The following ASPM variants were observed in gnomAD, a reference collection of about 807,000 sequenced individuals.
The protein encoded by ASPM is abnormal spindle-like microcephaly-associated protein.
In ASPM, 256 loss-of-function variants were observed where a neutral mutation model predicts 366.4. That is an observed-to-expected ratio of 0.70 (90% CI 0.63 to 0.77). ASPM has a LOEUF of 0.77. Among genes scored for constraint, ASPM ranks in the 30% least tolerant of loss-of-function variants. ASPM has a pLI of 0.00. For synonymous variants in ASPM, 1,414 were observed against 1,342.9 expected (o/e 1.05, Z -1.16); for missense variants, 4,146 against 4,090.4 (o/e 1.01, Z -0.37).
chr1:197,108,996 C>G (rs937580026), intron 17 of ASPM, among the ~76,000 whole-genome samples: 1 of 145,060 alleles, frequency 6.9e-6, no homozygotes, highest in African/African-American at 2.6e-5. Context: ...AAAAAAAAGT[C>G]CAGAGAAGAA....
Position 197,143,413 on chromosome 1 carries a change from G to A in ASPM, c.839C>T (p.Ser280Phe), listed in dbSNP as rs772696379. 3 of 1,613,952 alleles carry A rather than the reference G, an allele frequency of 1.9e-6. No homozygotes were observed. The South Asian group carries it at 3.3e-5, about 18-fold the overall frequency. Residue 280 changes from serine (S) to phenylalanine (F), a missense_variant, in exon 3 of 28, where the codon TCC becomes TTC. By Grantham distance (155) the Ser-to-Phe change is radical. Transcript: ENST00000367409. ...SFNEKAVTET[S>F]FNSVNVNGQR... ...GCCATTAACATTTACGGAATTAAAG[G>A]AAGTTTCAGTTACAGCTTTCTCATT...
At chr1:197,091,544 T>A (rs1656787162) in intron 22 of ASPM, among the ~76,000 whole-genome samples, 2 of 152,006 alleles carry the variant, frequency 1.3e-5, no homozygotes, top group Admixed American at 1.3e-4. Flanking sequence ...TTCAGAATCA[T>A]TAGCCATCAA....
chr1:197,142,227 A>C (rs1264146653), intron 3 of ASPM, 104 bp downstream of exon 3: 1 of 1,243,586 alleles, frequency 8.0e-7, no homozygotes, highest in East Asian at 2.3e-5. Flanking sequence ...CCCAGCAAAT[A>C]AGTAAAAACT....
At position 197,100,816 on chromosome 1, in the gene ASPM, T is replaced by C; in HGVS notation, c.8435A>G (p.His2812Arg). ...TGTTACTGCAGCCCTACTTTGAGAA[T>C]GATACTCTGCTTCCTGTGAACAAGC... ...GLACSQEAEYHSQSRAAVTIQ... is the reference protein window; with the variant it reads ...GLACSQEAEYRSQSRAAVTIQ... The change falls in exon 18 of 28, where the codon CAT becomes CGT. Residue 2812 changes from histidine (H) to arginine (R), a missense_variant. Transcript: ENST00000367409. The C allele has an allele frequency of 1.2e-6, 2 of 1,612,628 alleles. No homozygotes were observed. Among genetic ancestry groups the C allele is most frequent in the Non-Finnish European group, 1.7e-6 (2 of 1,179,128 alleles).
chr1:197,118,832 T>TA (rs899651852), intron 16 of ASPM, among the ~76,000 whole-genome samples: 3 of 152,160 alleles, frequency 2.0e-5, no homozygotes, highest in Non-Finnish European at 2.9e-5. Context: ...GTAACTTTGC[T>TA]ATACTGTCCA....
intron 13 of ASPM, among the ~76,000 whole-genome samples, chr1:197,123,702 TAC>T (rs1657988737): frequency 6.6e-6 from 1 of 152,170 alleles, no homozygotes; most frequent in African/African-American, 2.4e-5. Context: ...CATACAGAAA[TAC>T]AGTGTTAACC....
At position 197,101,242 on chromosome 1, in the gene ASPM, A is replaced by G. The variant is rs41299627; in HGVS notation, c.8009T>C (p.Ile2670Thr). ...KLTAVRTQAV[I>T]CIQSYYRGFK... is the part of the protein sequence containing the mutation. ...GCCTCTGTAATAAGACTGTATACAA[A>G]TAACTGCTTGGGTACGCACTGCAGT... The change falls in exon 18 of 28, where the codon ATT becomes ACT. Residue 2670 changes from isoleucine (I) to threonine (T), a missense_variant. Physicochemically the swap from Ile to Thr is moderately conservative, Grantham distance 89 (BLOSUM62 -1). Around this residue, in one of 3 missense-constraint regions of ASPM, gnomAD observed 3,624 missense variants for 3,591.7 expected, o/e 1.01. Transcript: ENST00000367409. The G allele has an allele frequency of 4.1e-4, 667 of 1,612,194 alleles. 1 individual carries two copies. The highest frequency in any genetic ancestry group is 5.7e-4 in the Admixed American group (34 of 59,726).
At position 197,091,892 on chromosome 1, in the gene ASPM, AAAG is replaced by A. The variant is rs1343079921; in HGVS notation, c.9444+12_9444+14del. Reference sequence around the variant, plus strand: ...AAATTATATCATATAGTTTTACTGCAAAGAAGAAGCAAACCTGAATACAGATGA... The same window carrying A: ...AAATTATATCATATAGTTTTACTGCAAAGAAGCAAACCTGAATACAGATGA... On this transcript the variant is annotated intron_variant, in intron 22 of 27. Transcript: ENST00000367409. 1.2e-6 allele frequency: 2 copies of A among 1,608,236 alleles called. No homozygotes were observed. Among genetic ancestry groups the A allele is most frequent in the Non-Finnish European group, 8.5e-7 (1 of 1,177,316 alleles).
chr1:197,104,426 C>T lies in ASPM; in HGVS notation c.4825G>A (p.Ala1609Thr). 6 of 1,612,982 alleles carry T rather than the reference C, an allele frequency of 3.7e-6. No homozygotes were observed. Among genetic ancestry groups the T allele is most frequent in the Non-Finnish European group, 5.1e-6 (6 of 1,179,398 alleles). Reference sequence around the variant, plus strand: ...CGGAAATGAGTCTGAATTATAACAGCTGCTTTCTTCATCTTCTTATATTTC... The same window carrying T: ...CGGAAATGAGTCTGAATTATAACAGTTGCTTTCTTCATCTTCTTATATTTC... Reference protein sequence around the residue: ...RQKYKKMKKAAVIIQTHFRAY... With the variant: ...RQKYKKMKKATVIIQTHFRAY... The change falls in exon 18 of 28, where the codon GCT (alanine) becomes ACT (threonine). Residue 1609 changes from alanine (A) to threonine (T), a missense_variant. Physicochemically the swap from Ala to Thr is moderately conservative, Grantham distance 58. Transcript: ENST00000367409.
In ASPM at chr1:197,093,239, A is replaced by G. The variant is rs776674394; in HGVS notation, c.9107T>C (p.Ile3036Thr). 3.0e-5 allele frequency: 49 copies of G among 1,612,132 alleles called. No homozygotes were observed. The South Asian group carries it at 5.1e-4, about 17-fold the overall frequency. ...TTTATATCCTCTATAATGTGCTTGG[A>G]TCAAACAAGCAGCTCGATGTCTCTA... ...MIKRHRAACL[I>T]QAHYRGYKGR... The change falls in exon 21 of 28, where the codon ATC (isoleucine) becomes ACC (threonine). Residue 3036 changes from isoleucine (I) to threonine (T), a missense_variant. By Grantham distance (89) the Ile-to-Thr change is moderately conservative. Transcript: ENST00000367409.
chr1:197,096,451 T>C (rs1656978950), intron 18 of ASPM, among the ~76,000 whole-genome samples: 1 of 149,212 alleles, frequency 6.7e-6, no homozygotes. Context: ...AAGACACACA[T>C]GTCTGAAAAG....
rs1345723188 is a variant in ASPM, at chr1:197,100,691, T to C, written c.8560A>G (p.Arg2854Gly). Residue 2854 changes from arginine (R) to glycine (G), a missense_variant, in exon 18 of 28, where the codon AGA becomes GGA. By Grantham distance (125) the Arg-to-Gly change is moderately radical (BLOSUM62 -2). Transcript: ENST00000367409. ...QFFLQMAVYRRRFVQQKRAAI... is the reference protein window; with the variant it reads ...QFFLQMAVYRGRFVQQKRAAI... ...GCTCTTTTCTGCTGAACAAATCTTC[T>C]CCGATACACAGCCATCTGAAGGAAG... The C allele has an allele frequency of 1.2e-6, 2 of 1,612,398 alleles. No individual in the cohort carries two copies. Among genetic ancestry groups the C allele is most frequent in the Admixed American group, 1.7e-5 (1 of 59,734 alleles).
chr1:197,128,497 G>A lies in ASPM; in HGVS notation c.2929C>T (p.Arg977Cys), dbSNP rs750015604. 1.7e-5 allele frequency: 27 copies of A among 1,611,470 alleles called. No individual in the cohort carries two copies. Among genetic ancestry groups the A allele is most frequent in the East Asian group, 2.2e-5 (1 of 44,844 alleles). ...NLAVDLQCGVRLVRTMELLTQ... is the reference protein window; with the variant it reads ...NLAVDLQCGVCLVRTMELLTQ... Reference sequence around the variant, plus strand: ...TCTATTTCTTATACGTACACAAGGCGCACTCCACATTGCAAGTCTACGGCA... The same window carrying A: ...TCTATTTCTTATACGTACACAAGGCACACTCCACATTGCAAGTCTACGGCA... The change falls in exon 10 of 28, where the codon CGC becomes TGC. Residue 977 changes from arginine to cysteine, a missense_variant. Coordinates refer to ENST00000367409, the MANE Select transcript of ASPM (RefSeq NM_018136.5).
intron 4 of ASPM, among the ~76,000 whole-genome samples, chr1:197,137,992 T>A (rs560788520): frequency 6.6e-6 from 1 of 152,262 alleles, no homozygotes; most frequent in East Asian, 1.9e-4. Flanking sequence ...ATCAAGAAAT[T>A]ATTAGAATTT....
intron 20 of ASPM, 29 bp from the exon 21 acceptor site, chr1:197,093,290 A>G (rs750908917): frequency 6.4e-7 from 1 of 1,558,842 alleles, no homozygotes; most frequent in Non-Finnish European, 8.8e-7. Context: ...AAGTAACATT[A>G]ATGGGTAGAA....
At chr1:197,145,871 A>ATATATATATATATATATATATATAT (rs1557967356) in intron 1 of ASPM, among the ~76,000 whole-genome samples, 2 of 148,438 alleles carry the variant, frequency 1.3e-5, no homozygotes, top group East Asian at 4.0e-4. Context: ...TATATATAAT[A>ATATATATATATATATATATATATAT]TTGACACATA....
chr1:197,094,058 C>A, intron 20 of ASPM, 26 bp downstream of exon 20: 1 of 1,292,970 alleles, frequency 7.7e-7, no homozygotes, highest in Non-Finnish European at 1.1e-6. Flanking sequence ...TAGTTATTTG[C>A]AAGTGAATTA....
intron 13 of ASPM, 152 bp downstream of exon 13, chr1:197,123,958 T>C: frequency 1.5e-6 from 1 of 661,674 alleles, no homozygotes; most frequent in Non-Finnish European, 2.6e-6. Context: ...TGAAATACAG[T>C]GTATGATAAA....
chr1:197,143,201 C>G lies in ASPM; in HGVS notation c.1051G>C (p.Val351Leu). The G allele has an allele frequency of 6.2e-7, 1 of 1,613,498 alleles. No homozygotes were observed. The highest frequency in any genetic ancestry group is 1.1e-5 in the South Asian group (1 of 91,024). ...TGTGCAATTGTTGATTCCAAATGCA[C>G]AGGCTGTGAATTATCTTTCATAAAC... Reference protein sequence around the residue: ...DMFMKDNSQPVHLESTIAHEI... With the variant: ...DMFMKDNSQPLHLESTIAHEI... The change falls in exon 3 of 28, where the codon GTG becomes CTG. Residue 351 changes from valine to leucine, a missense_variant. Val to Leu is a conservative substitution (Grantham distance 32). Transcript: ENST00000367409.
Sources: allele counts gnomAD v4.1 joint callset (sites outside exome capture counted in the v4.1 genomes callset), GRCh38; gene constraint gnomAD v4.1.1; regional missense constraint gnomAD v4.1.1; transcripts MANE v1.5; gene names NCBI Gene and HGNC (gene_info 2026-07-23, HGNC 2026-07-21).